The following ARNT variants were observed in gnomAD, a reference collection of about 807,000 sequenced individuals.
The protein encoded by ARNT is aryl hydrocarbon receptor nuclear translocator, also known as class E basic helix-loop-helix protein 2.
Under a neutral mutation model 105.0 loss-of-function variants are expected in ARNT, and 30 were observed. That is an observed-to-expected ratio of 0.29 (90% CI 0.21 to 0.39). The LOEUF (loss-of-function observed/expected upper bound fraction) is 0.39, where lower values mean the gene tolerates loss of function less well. Among genes scored for constraint, ARNT ranks in the 10% least tolerant of loss-of-function variants. ARNT has a pLI of 1.00. For synonymous variants in ARNT, 304 were observed against 344.0 expected (o/e 0.88, Z 1.29); for missense variants, 748 against 978.7 (o/e 0.76, Z 3.15).
In ARNT at chr1:150,811,338, G is replaced by A; in HGVS notation, c.*683C>T. On this transcript the variant is annotated 3_prime_UTR_variant, in exon 22 of 22. Coordinates refer to ENST00000358595, the MANE Select transcript of ARNT (RefSeq NM_001668.4). ...CTGCAATACTAAGTGGAAAATACCT[G>A]GAAGATTTAACTCCTTAGGACTCTT... The A allele has an allele frequency of 4.3e-6, 1 of 233,632 alleles. No individual in the cohort carries two copies. The highest frequency in any genetic ancestry group is 8.5e-6 in the Non-Finnish European group (1 of 117,932). 14.5% of individuals were successfully genotyped at this position (233,632 alleles called of 1,614,324 possible). A position where few individuals can be genotyped will look rare whatever the true frequency, so the allele number is the denominator to read the frequency against.
chr1:150,826,762 A>C, intron 12 of ARNT, 145 bp from the exon 13 acceptor site: 2 of 550,314 alleles, frequency 3.6e-6, no homozygotes, highest in Non-Finnish European at 6.7e-6. Flanking sequence ...TTCCTGTCTC[A>C]ACCTCCCAAG....
At chr1:150,876,158 A>G (rs1237923424) in intron 1 of ARNT, among the ~76,000 whole-genome samples, 1 of 152,258 alleles carries the variant, frequency 6.6e-6, no homozygotes, top group Non-Finnish European at 1.5e-5. Context: ...CTCTTAAAGT[A>G]AACCGAGACA....
Position 150,818,027 on chromosome 1 carries a change from G to T in ARNT, c.1398C>A (p.Asn466Lys). The T allele has an allele frequency of 6.2e-7, 1 of 1,608,634 alleles. No homozygotes were observed. The change falls in exon 15 of 22, where the codon AAC becomes AAA. Residue 466 changes from asparagine to lysine, a missense_variant. Physicochemically the swap from Asn to Lys is moderately conservative, Grantham distance 94 (BLOSUM62 0). Around this residue, in one of 4 missense-constraint regions of ARNT, gnomAD observed 360 missense variants for 411.9 expected, o/e 0.87. Transcript: ENST00000358595. ...YIICTNTNVKNSSQEPRPTLS... is the reference protein window; with the variant it reads ...YIICTNTNVKKSSQEPRPTLS... ...GTGTAGGCCGTGGTTCTTGGCTAGA[G>T]TTCCTAGGAAACCAGAGTAGACAGT... is the stretch of plus-strand genomic sequence containing the variant.
intron 1 of ARNT, among the ~76,000 whole-genome samples, chr1:150,874,712 G>GAGGGGAC (rs1307583691): frequency 1.3e-5 from 2 of 151,958 alleles, no homozygotes; most frequent in Non-Finnish European, 2.9e-5. Context: ...AAAGAGGGGA[G>GAGGGGAC]AGGGGACAGG....
At chr1:150,870,938 A>G (rs1177390108) in intron 1 of ARNT, among the ~76,000 whole-genome samples, 3 of 150,922 alleles carry the variant, frequency 2.0e-5, no homozygotes, top group East Asian at 4.1e-4. Context: ...AGGCCGAGGC[A>G]GGAGGATTGC....
intron 18 of ARNT, 84 bp from the exon 19 acceptor site, chr1:150,816,490 C>A: frequency 2.8e-6 from 4 of 1,435,854 alleles, no homozygotes; most frequent in Non-Finnish European, 3.7e-6. Context: ...TAGTGCTATC[C>A]CTAGATCCCC....
intron 4 of ARNT, among the ~76,000 whole-genome samples, 188 bp downstream of exon 4, chr1:150,846,075 T>G (rs1662151392): frequency 6.6e-6 from 1 of 152,184 alleles, no homozygotes; most frequent in Non-Finnish European, 1.5e-5. Flanking sequence ...ACCGCCAGTT[T>G]GAAGCCATGT....
chr1:150,846,932 C>A (rs143466861), intron 3 of ARNT, among the ~76,000 whole-genome samples: 7 of 152,288 alleles, frequency 4.6e-5, no homozygotes, highest in Admixed American at 2.0e-4. Context: ...ATCCATCTTG[C>A]AGCATATGAC....
intron 14 of ARNT, among the ~76,000 whole-genome samples, chr1:150,818,981 G>A (rs1260812217): frequency 1.3e-5 from 2 of 152,038 alleles, no homozygotes; most frequent in African/African-American, 4.8e-5. Context: ...CCATCCACTT[G>A]AGTCCTAAGT....
chr1:150,831,189 C>G (rs1261090720), intron 10 of ARNT, among the ~76,000 whole-genome samples: 1 of 152,222 alleles, frequency 6.6e-6, no homozygotes, highest in Non-Finnish European at 1.5e-5. Context: ...CAAAACACAT[C>G]ACCTTGCTTC....
chr1:150,865,741 T>G (rs1408965888), intron 1 of ARNT, among the ~76,000 whole-genome samples: 1 of 152,206 alleles, frequency 6.6e-6, no homozygotes. Context: ...GTATGCATAC[T>G]ACATGCTTCA....
rs190363732 is a variant in ARNT at position 150,835,231 on chromosome 1, T to C, written c.701-591A>G. On this transcript the variant is annotated intron_variant, in intron 7 of 21. Coordinates refer to ENST00000358595, the MANE Select transcript of ARNT (RefSeq NM_001668.4). ...TAGAAACATATAGATCTGTTTGTCT[T>C]CTTTATTATACAGAAACGAAGAACA... 7.9e-5 allele frequency among the ~76,000 whole-genome samples: 12 copies of C among 152,144 alleles called. No homozygotes were observed. The East Asian group carries it at 1.9e-3, about 24-fold the overall frequency.
Position 150,828,339 on chromosome 1 carries a change from GTTTTTTTTTTGTTTTT to G in ARNT, c.1167+738_1167+753del, listed in dbSNP as rs888649523. The stretch of plus-strand genomic sequence containing the variant: ...CTATGTGTTTTCATTTTTGGGTGTG[GTTTTTTTTTTGTTTTT>G]TTTTTTTTTTGCATACAGATATCCA... On this transcript the variant is annotated intron_variant, in intron 12 of 21. Coordinates refer to ENST00000358595, the MANE Select transcript of ARNT (RefSeq NM_001668.4). 1.5e-3 allele frequency among the ~76,000 whole-genome samples: 134 copies of G among 90,288 alleles called. 3 individuals carry two copies. The South Asian group carries it at 0.055, about 37-fold the overall frequency. The allele number at this position is 90,288 out of a possible 152,430, so 59.2% of individuals were successfully genotyped here.
At chr1:150,828,979 T>A (rs1175703688) in intron 12 of ARNT, 114 bp downstream of exon 12, 7 of 1,228,380 alleles carry the variant, frequency 5.7e-6, no homozygotes, top group Non-Finnish European at 5.6e-6. Context: ...AATATGATGA[T>A]CTCTTTTTCT....
intron 15 of ARNT, 51 bp downstream of exon 15, chr1:150,817,869 G>T: frequency 9.4e-5 from 121 of 1,281,538 alleles, no homozygotes; most frequent in Non-Finnish European, 1.3e-4. Flanking sequence ...GATTGCAAAT[G>T]ACCACCCCCT....
chr1:150,816,755 C>T (rs1655963196), intron 18 of ARNT, 33 bp downstream of exon 18: 2 of 1,539,834 alleles, frequency 1.3e-6, no homozygotes, highest in South Asian at 2.5e-5. Context: ...TCCCTCAGGG[C>T]CCTGTAAAGC....
At chr1:150,860,534 T>C (rs72704658) in intron 1 of ARNT, among the ~76,000 whole-genome samples, 50,623 of 151,124 alleles carry the variant, frequency 0.33, 8,906 homozygotes, top group South Asian at 0.53. Context: ...AATTTTCGAA[T>C]CATATATGCA....
intron 3 of ARNT, among the ~76,000 whole-genome samples, chr1:150,848,883 A>C (rs587688606): frequency 6.6e-6 from 1 of 152,266 alleles, no homozygotes; most frequent in African/African-American, 2.4e-5. Flanking sequence ...TTAAAGAAAA[A>C]ACTTAGTTAA....
chr1:150,872,610 TCTC>T (rs1408884006), intron 1 of ARNT, among the ~76,000 whole-genome samples: 1 of 152,146 alleles, frequency 6.6e-6, no homozygotes, highest in Non-Finnish European at 1.5e-5. Context: ...AAATACCTAA[TCTC>T]CTCCCAACTG....
Sources: gnomAD v4.1 joint callset for allele counts (sites outside exome capture counted in the v4.1 genomes callset) on GRCh38, gnomAD v4.1.1 for gene constraint, gnomAD v4.1.1 regional missense constraint, MANE v1.5 for transcripts, NCBI Gene and HGNC (gene_info 2026-07-23, HGNC 2026-07-21) for gene names.